Variants in HOXB3 observed in about 807,000 individuals in gnomAD.
HOXB3 encodes the protein homeobox protein Hox-B3.
A neutral mutation model predicts 29.2 loss-of-function variants in HOXB3; 17 were observed. The ratio of observed to expected loss-of-function variants is 0.58; its 90% CI spans 0.40 to 0.87. The LOEUF (loss-of-function observed/expected upper bound fraction) is 0.87, where lower values mean the gene tolerates loss of function less well. Ranked by LOEUF, HOXB3 falls within the 40% of genes least tolerant of loss-of-function variation. The pLI, the probability that HOXB3 is intolerant of heterozygous loss-of-function variation, is 0.00. For missense variants in HOXB3, 637 were observed against 616.3 expected (o/e 1.03, Z -0.35); for synonymous variants, 317 against 285.9 (o/e 1.11, Z -1.10).
chr17:48,576,941 C>G, intron 1 of HOXB3: 1 of 1,614,214 alleles, frequency 6.2e-7, no homozygotes, highest in South Asian at 1.1e-5. Context: ...AGTGAAATTC[C>G]TTCTCCAGCT....
In HOXB3 at chr17:48,551,075, C is replaced by T. The variant is rs770639790; in HGVS notation, c.555G>A (p.Ser185=). The change falls in exon 5 of 5, where the codon TCG becomes TCA. Residue 185 remains serine, a synonymous_variant. Transcript: ENST00000498678. ...GGGGDKSPPG[S]AASKRARTAY... is the part of the protein sequence containing the mutation. ...CCGTCCGCGCCCGCTTGGACGCCGC[C>T]GACCCCGGGGGGCTCTTGTCCCCTC... is the stretch of plus-strand genomic sequence containing the variant. 12 of 1,534,182 alleles carry T rather than the reference C, an allele frequency of 7.8e-6. No individual in the cohort carries two copies. The highest frequency in any genetic ancestry group is 9.7e-6 in the Non-Finnish European group (11 of 1,135,980).
intron 1 of HOXB3, chr17:48,578,720 GT>G (rs1309724482): frequency 4.5e-6 from 1 of 220,458 alleles, no homozygotes; most frequent in Non-Finnish European, 8.9e-6. Context: ...CCCTTAAGAA[GT>G]TGGGGCTCCC....
chr17:48,551,104 C>T lies in HOXB3; in HGVS notation c.526G>A (p.Gly176Arg). The T allele has an allele frequency of 7.4e-7, 1 of 1,353,806 alleles. No homozygotes were observed. The highest frequency in any genetic ancestry group is 9.5e-7 in the Non-Finnish European group (1 of 1,049,614). 83.9% of individuals were successfully genotyped at this position (1,353,806 alleles called of 1,614,324 possible). A position where few individuals can be genotyped will look rare whatever the true frequency, so the allele number is the denominator to read the frequency against. ...CCCGGGGGGCTCTTGTCCCCTCCCC[C>T]GCCGCCGCCGCCACCGCCCCCGCTG... ...GGSGGGGGGG[G>R]GGDKSPPGSA... is the part of the protein sequence containing the mutation. The change falls in exon 5 of 5, where the codon GGG (glycine) becomes AGG (arginine). Residue 176 changes from glycine to arginine, a missense_variant. Transcript: ENST00000498678.
intron 1 of HOXB3, chr17:48,581,576 CCTT>C (rs1421112673): frequency 1.3e-5 from 2 of 152,212 alleles, no homozygotes; most frequent in South Asian, 2.1e-4. Context: ...TACCTCCTGT[CCTT>C]CTCAACTCGC....
chr17:48,570,702 G>A (rs1039968085), intron 2 of HOXB3, among the ~76,000 whole-genome samples: 1 of 152,216 alleles, frequency 6.6e-6, no homozygotes. Flanking sequence ...CCAGCTAAGA[G>A]CACTGGAATC....
At chr17:48,588,213 C>A (rs2070083136) in intron 1 of HOXB3, among the ~76,000 whole-genome samples, 1 of 152,130 alleles carries the variant, frequency 6.6e-6, no homozygotes, top group Admixed American at 6.5e-5. Flanking sequence ...GCTCAGGGAG[C>A]CTGAAGTGGA....
At chr17:48,553,076 T>C (rs1394399322) in intron 3 of HOXB3, 2 of 152,300 alleles carry the variant, frequency 1.3e-5, no homozygotes, top group Non-Finnish European at 2.9e-5. Flanking sequence ...TTAGGTCTCT[T>C]GCCCAAGCAA....
intron 4 of HOXB3, 39 bp downstream of exon 4, chr17:48,551,988 C>T (rs751520620): frequency 2.0e-6 from 3 of 1,517,642 alleles, no homozygotes; most frequent in South Asian, 1.3e-5. Flanking sequence ...TTCCTGGCTC[C>T]GACAAAAGCT....
chr17:48,583,060 A>G (rs1181473179), intron 1 of HOXB3, among the ~76,000 whole-genome samples: 2 of 152,034 alleles, frequency 1.3e-5, no homozygotes, highest in African/African-American at 4.8e-5. Context: ...CATCTGCTTT[A>G]TTTGCTCCCC....
intron 3 of HOXB3, 181 bp downstream of exon 3, chr17:48,555,350 G>A (rs1230538163): frequency 4.1e-6 from 2 of 492,674 alleles, no homozygotes; most frequent in Non-Finnish European, 7.3e-6. Flanking sequence ...GAGAGAGAGA[G>A]AGAGAGAGAG....
In HOXB3 at chr17:48,550,101, A is replaced by C; in HGVS notation, c.*233T>G. On this transcript the variant is annotated 3_prime_UTR_variant, in exon 5 of 5. Transcript: ENST00000498678. ...CCCTGGGGTTGATGGGGTCATCTCCAATATGATGTGGATTCCTTTCCGATG... is the reference window on the plus strand; with the variant it reads ...CCCTGGGGTTGATGGGGTCATCTCCCATATGATGTGGATTCCTTTCCGATG... 3.6e-6 allele frequency: 2 copies of C among 550,832 alleles called. No homozygotes were observed. Among genetic ancestry groups the C allele is most frequent in the East Asian group, 3.2e-5 (1 of 31,200 alleles). 34.1% of individuals were successfully genotyped at this position (550,832 alleles called of 1,614,324 possible).
Position 48,555,551 on chromosome 17 carries a change from G to A in HOXB3, c.-179C>T. The A allele has an allele frequency of 1.4e-6, 1 of 702,744 alleles. No individual in the cohort carries two copies. Among genetic ancestry groups the A allele is most frequent in the East Asian group, 2.7e-5 (1 of 37,278 alleles). The allele number at this position is 702,744 out of a possible 1,614,324, so 43.5% of individuals were successfully genotyped here. On this transcript the variant is annotated 5_prime_UTR_variant, in exon 3 of 5. Coordinates refer to ENST00000498678, the MANE Select transcript of HOXB3 (RefSeq NM_001384749.1). ...CTTACCTTAGCCACCGACGAGGGGAGAACAGGCAGACATAATATATATTCA... is the reference window on the plus strand; with the variant it reads ...CTTACCTTAGCCACCGACGAGGGGAAAACAGGCAGACATAATATATATTCA...
intron 2 of HOXB3, among the ~76,000 whole-genome samples, chr17:48,557,520 AAGTC>A (rs2069035173): frequency 6.6e-6 from 1 of 152,162 alleles, no homozygotes; most frequent in African/African-American, 2.4e-5. Context: ...AGGCAAGGCT[AAGTC>A]AGGCCAGGTG....
intron 1 of HOXB3, among the ~76,000 whole-genome samples, chr17:48,586,885 G>C (rs139570070): frequency 1.6e-3 from 241 of 152,230 alleles, no homozygotes; most frequent in African/African-American, 5.6e-3. Flanking sequence ...GGAAGGTGAG[G>C]GGGGAGGTTA....
At chr17:48,585,639 A>G (rs2070033386) in intron 1 of HOXB3, among the ~76,000 whole-genome samples, 1 of 151,992 alleles carries the variant, frequency 6.6e-6, no homozygotes, top group Non-Finnish European at 1.5e-5. Flanking sequence ...CCGCCCAAAT[A>G]TCGCCTCCCA....
chr17:48,556,568 A>C (rs888206177), intron 2 of HOXB3: 23 of 152,058 alleles, frequency 1.5e-4, no homozygotes, highest in African/African-American at 3.6e-4. Context: ...AAAAAAAAAA[A>C]AAAACACCCC....
intron 2 of HOXB3, among the ~76,000 whole-genome samples, chr17:48,568,735 A>G (rs1435152739): frequency 6.6e-6 from 1 of 151,998 alleles, no homozygotes; most frequent in African/African-American, 2.4e-5. Flanking sequence ...GTTGGAGGAC[A>G]GAGGGAGAGA....
intron 1 of HOXB3, among the ~76,000 whole-genome samples, chr17:48,585,526 T>TG (rs773809928): frequency 3.2e-4 from 49 of 152,298 alleles, no homozygotes; most frequent in South Asian, 8.3e-4. Context: ...GCTGTGAACT[T>TG]GGTCTAAGGC....
At chr17:48,571,538 C>T (rs34932850) in intron 2 of HOXB3, among the ~76,000 whole-genome samples, 76 of 152,360 alleles carry the variant, frequency 5.0e-4, no homozygotes, top group African/African-American at 1.7e-3. Flanking sequence ...GGCAGTTCCC[C>T]TTAGTGAACC....
Sources: gnomAD v4.1 joint callset for allele counts (sites outside exome capture counted in the v4.1 genomes callset) on GRCh38, gnomAD v4.1.1 for gene constraint, MANE v1.5 for transcripts, NCBI Gene and HGNC (gene_info 2026-07-23, HGNC 2026-07-21) for gene names.